GPC5: variants seen among roughly 807,000 people sequenced by gnomAD.
GPC5 encodes glypican 5.
Under a neutral mutation model 53.9 loss-of-function variants are expected in GPC5, and 47 were observed. The observed-to-expected ratio is 0.87, with a 90% CI of 0.69 to 1.11. The LOEUF is 1.11. GPC5 is among the 50% of genes most tolerant of loss of function. GPC5 has a pLI of 0.00. For missense variants in GPC5, 748 were observed against 713.1 expected, an observed-to-expected ratio of 1.05 and a Z score of -0.56; for synonymous variants, 286 against 263.3, an observed-to-expected ratio of 1.09 and a Z score of -0.84.
At chr13:91,920,263 A>G (rs1594663948) in intron 6 of GPC5, among the ~76,000 whole-genome samples, 1 of 152,150 alleles carries the variant, frequency 6.6e-6, no homozygotes, top group South Asian at 2.1e-4. Context: ...CAATAAGAAA[A>G]TAAAAAAGAA....
intron 7 of GPC5, among the ~76,000 whole-genome samples, chr13:92,621,334 T>C (rs972445278): frequency 1.4e-4 from 21 of 152,170 alleles, no homozygotes; most frequent in African/African-American, 4.6e-4. Flanking sequence ...TGCTTATGAA[T>C]TGGCCTCAAG....
At chr13:92,063,836 A>G (rs1412272360) in intron 6 of GPC5, among the ~76,000 whole-genome samples, 1 of 152,210 alleles carries the variant, frequency 6.6e-6, no homozygotes, top group African/African-American at 2.4e-5. Context: ...ATGAAAAATG[A>G]TGCTCTTAGG....
At chr13:92,729,054 C>T (rs918787782) in intron 7 of GPC5, among the ~76,000 whole-genome samples, 1 of 151,242 alleles carries the variant, frequency 6.6e-6, no homozygotes, top group African/African-American at 2.4e-5. Flanking sequence ...CCATTCTGCA[C>T]AATTTATCTG....
chr13:92,179,404 G>A (rs1014958583), intron 7 of GPC5, among the ~76,000 whole-genome samples: 2 of 152,152 alleles, frequency 1.3e-5, no homozygotes, highest in Non-Finnish European at 2.9e-5. Context: ...GTTTTCTCAA[G>A]ATATTTACAT....
At chr13:91,419,185 A>G (rs1186894338) in intron 1 of GPC5, among the ~76,000 whole-genome samples, 1 of 152,126 alleles carries the variant, frequency 6.6e-6, no homozygotes, top group Non-Finnish European at 1.5e-5. Context: ...AATAGTTTCC[A>G]GTTAGCTATA....
intron 7 of GPC5, among the ~76,000 whole-genome samples, chr13:92,175,579 A>G (rs1321466659): frequency 6.6e-6 from 1 of 152,138 alleles, no homozygotes; most frequent in Non-Finnish European, 1.5e-5. Context: ...GGAAACGTTT[A>G]CTGAACTCTT....
chr13:91,752,292 C>T (rs1470215447), intron 4 of GPC5, among the ~76,000 whole-genome samples: 2 of 152,010 alleles, frequency 1.3e-5, no homozygotes, highest in Non-Finnish European at 2.9e-5. Flanking sequence ...ACTATGTTGT[C>T]CAGGCTGGTC....
At chr13:92,837,166 G>T (rs1339225929) in intron 7 of GPC5, among the ~76,000 whole-genome samples, 1 of 152,056 alleles carries the variant, frequency 6.6e-6, no homozygotes, top group African/African-American at 2.4e-5. Context: ...TGTTTCACTG[G>T]AAGTTAGAAT....
intron 6 of GPC5, among the ~76,000 whole-genome samples, chr13:92,014,176 G>A (rs1197239483): frequency 2.0e-5 from 3 of 152,110 alleles, no homozygotes; most frequent in African/African-American, 4.8e-5. Context: ...TGACACTTAT[G>A]GAGTGCTCAT....
intron 7 of GPC5, among the ~76,000 whole-genome samples, chr13:92,248,865 A>C (rs1039827030): frequency 2.6e-5 from 4 of 152,194 alleles, no homozygotes; most frequent in African/African-American, 9.6e-5. Flanking sequence ...TTTATTGACA[A>C]GGTTAATCAA....
At chr13:91,444,865 C>T (rs769800192) in intron 1 of GPC5, among the ~76,000 whole-genome samples, 1 of 152,058 alleles carries the variant, frequency 6.6e-6, no homozygotes, top group Non-Finnish European at 1.5e-5. Flanking sequence ...CTGTAGGAGC[C>T]CCGCTTTACT....
At chr13:92,663,839 A>G (rs1886456217) in intron 7 of GPC5, among the ~76,000 whole-genome samples, 1 of 97,428 alleles carries the variant, frequency 1.0e-5, no homozygotes, top group African/African-American at 3.6e-5. Flanking sequence ...CACACTATAT[A>G]TATATACACA....
chr13:92,142,489 C>T (rs1036576076), intron 6 of GPC5, among the ~76,000 whole-genome samples: 6 of 152,026 alleles, frequency 3.9e-5, no homozygotes, highest in African/African-American at 1.2e-4. Context: ...TAGAATGTCA[C>T]TGAAGTGATG....
chr13:92,226,404 G>A (rs1467060877), intron 7 of GPC5, among the ~76,000 whole-genome samples: 2 of 151,818 alleles, frequency 1.3e-5, no homozygotes, highest in Non-Finnish European at 2.9e-5. Flanking sequence ...TTCTTTATAT[G>A]GTTATTTGCT....
chr13:92,079,557 A>T (rs2041279202), intron 6 of GPC5, among the ~76,000 whole-genome samples: 1 of 152,190 alleles, frequency 6.6e-6, no homozygotes, highest in African/African-American at 2.4e-5. Context: ...AGAGTGGATT[A>T]ACTCAGTGTC....
chr13:91,496,209 G>A (rs1032771914), intron 2 of GPC5, among the ~76,000 whole-genome samples: 5 of 152,140 alleles, frequency 3.3e-5, no homozygotes, highest in Non-Finnish European at 7.3e-5. Context: ...CAACATATGT[G>A]TTCTAGGAAT....
chr13:92,125,924 G>GTTTTTTTTTTTTTTTTTTTTTTTTT (rs1190169532), intron 6 of GPC5, among the ~76,000 whole-genome samples: 1 of 75,820 alleles, frequency 1.3e-5, no homozygotes, highest in Non-Finnish European at 2.5e-5. Flanking sequence ...TTGTTTTTTG[G>GTTTTTTTTTTTTTTTTTTTTTTTTT]TTTTTTTTTT....
chr13:91,940,315 G>T (rs2039913485), intron 6 of GPC5, among the ~76,000 whole-genome samples: 2 of 152,056 alleles, frequency 1.3e-5, no homozygotes, highest in South Asian at 4.1e-4. Context: ...TGCTGCAAAG[G>T]ACATGATTTC....
At chr13:92,467,939 T>C (rs943129623) in intron 7 of GPC5, among the ~76,000 whole-genome samples, 4 of 151,594 alleles carry the variant, frequency 2.6e-5, no homozygotes, top group African/African-American at 9.7e-5. Flanking sequence ...TAAAGGAGAG[T>C]TCAATAAAAA....
Sources: allele counts gnomAD v4.1 joint callset (sites outside exome capture counted in the v4.1 genomes callset), GRCh38; gene constraint gnomAD v4.1.1; transcripts MANE v1.5; gene names NCBI Gene and HGNC (gene_info 2026-07-23, HGNC 2026-07-21).